Variants in REV1 observed in about 807,000 individuals in gnomAD.
REV1 encodes the protein REV1 DNA directed polymerase.
REV1 carries 42 observed loss-of-function variants against 137.4 expected under a neutral mutation model. The ratio of observed to expected loss-of-function variants is 0.31; its 90% CI spans 0.24 to 0.40. REV1 has a LOEUF of 0.40. Among genes scored for constraint, REV1 ranks in the 10% least tolerant of loss-of-function variants. REV1 has a pLI of 1.00. For missense variants in REV1, 1,282 were observed against 1,490.1 expected, an observed-to-expected ratio of 0.86 and a Z score of 2.30; for synonymous variants, 524 against 519.2, an observed-to-expected ratio of 1.01 and a Z score of -0.12.
rs370092323 is a variant in REV1, at chr2:99,401,206, C to T, written c.*35G>A. Reference sequence around the variant, plus strand: ...AAATACCTCACAAGCACTTATGGCACAGCTATCAGAGAGCATCAGGCTCTC... The same window carrying T: ...AAATACCTCACAAGCACTTATGGCATAGCTATCAGAGAGCATCAGGCTCTC... On this transcript the variant is annotated 3_prime_UTR_variant, in exon 23 of 23. Transcript: ENST00000258428. The T allele has an allele frequency of 2.4e-5, 31 of 1,298,140 alleles. No homozygotes were observed. The highest frequency in any genetic ancestry group is 3.2e-5 in the Non-Finnish European group (29 of 893,892). 80.4% of individuals were successfully genotyped at this position (1,298,140 alleles called of 1,614,324 possible).
chr2:99,420,207 T>C (rs985012115), intron 11 of REV1, among the ~76,000 whole-genome samples: 2 of 152,254 alleles, frequency 1.3e-5, no homozygotes, highest in African/African-American at 4.8e-5. Context: ...ATGCTGGGAA[T>C]GTATTAATCA....
intron 1 of REV1, among the ~76,000 whole-genome samples, chr2:99,473,131 T>A (rs1685595186): frequency 6.6e-6 from 1 of 151,940 alleles, no homozygotes; most frequent in Non-Finnish European, 1.5e-5. Context: ...TTTGGGAGGC[T>A]GAGGTGGGCA....
chr2:99,408,679 C>CA (rs1676680783), intron 14 of REV1, among the ~76,000 whole-genome samples: 1 of 152,198 alleles, frequency 6.6e-6, no homozygotes, highest in African/African-American at 2.4e-5. Context: ...GGTCCATCAG[C>CA]ATTATTAGGT....
chr2:99,403,880 T>C, intron 18 of REV1, 65 bp from the exon 19 acceptor site: 2 of 1,573,518 alleles, frequency 1.3e-6, no homozygotes, highest in Non-Finnish European at 1.7e-6. Context: ...GGTTTCTCTT[T>C]TTCACAAAAC....
chr2:99,401,957 A>C (rs1675514152), intron 22 of REV1, among the ~76,000 whole-genome samples: 1 of 152,090 alleles, frequency 6.6e-6, no homozygotes, highest in Admixed American at 6.5e-5. Context: ...CATTTTGGCC[A>C]GGCTGGTCTC....
At chr2:99,474,851 G>A (rs7564587) in intron 1 of REV1, among the ~76,000 whole-genome samples, 65,409 of 151,658 alleles carry the variant, frequency 0.43, 14,339 homozygotes, top group Admixed American at 0.58. Context: ...GCAATGAGCC[G>A]AGATTGTGCC....
chr2:99,407,080 C>CTTTTTTTTTTTTTTTTTTTTTTTTTT (rs869170472), intron 15 of REV1, among the ~76,000 whole-genome samples: 2 of 60,046 alleles, frequency 3.3e-5, no homozygotes, highest in Non-Finnish European at 5.9e-5. Context: ...TACAAAGGTT[C>CTTTTTTTTTTTTTTTTTTTTTTTTTT]TTTTTTTTTT....
In REV1 at chr2:99,443,640, T is replaced by TA. The variant is rs1416142745; in HGVS notation, c.351-1172dup. Among the ~76,000 whole-genome samples the TA allele has an allele frequency of 1.1e-4, 16 of 152,336 alleles. 1 individual carries two copies. The South Asian group carries it at 3.3e-3, about 32-fold the overall frequency. On this transcript the variant is annotated intron_variant, in intron 4 of 22. Coordinates refer to ENST00000258428, the MANE Select transcript of REV1 (RefSeq NM_016316.4). Reference sequence around the variant, plus strand: ...GTACCTTAACCTATATCAAATGCTATAACTATTAAATTATGATGGTAAAGA... The same window carrying TA: ...GTACCTTAACCTATATCAAATGCTATAAACTATTAAATTATGATGGTAAAGA...
chr2:99,435,606 G>T, intron 7 of REV1: 1 of 326,762 alleles, frequency 3.1e-6, no homozygotes, highest in South Asian at 7.5e-5. Context: ...AGTCTTCGAT[G>T]ACATATCCTT....
intron 4 of REV1, among the ~76,000 whole-genome samples, chr2:99,444,647 C>G (rs774222253): frequency 2.6e-5 from 4 of 152,224 alleles, no homozygotes; most frequent in Non-Finnish European, 5.9e-5. Flanking sequence ...AAGCCCAATG[C>G]ACTACAGTAA....
At chr2:99,453,484 C>T (rs1360529838) in intron 3 of REV1, among the ~76,000 whole-genome samples, 2 of 152,144 alleles carry the variant, frequency 1.3e-5, no homozygotes, top group Non-Finnish European at 2.9e-5. Flanking sequence ...TCACACAAAA[C>T]ATTAAATTTT....
At position 99,407,080 on chromosome 2, in the gene REV1, C is replaced by CTTTTTTTTTTTTTTTTTTTTT. The variant is rs869170472; in HGVS notation, c.2449-611_2449-591dup. On this transcript the variant is annotated intron_variant, in intron 15 of 22. Coordinates refer to ENST00000258428, the MANE Select transcript of REV1 (RefSeq NM_016316.4). ...ACATAAAACTAAACCTACAAAGGTT[C>CTTTTTTTTTTTTTTTTTTTTT]TTTTTTTTTTTTTTTTTTTTTTTTT... Among the ~76,000 whole-genome samples, 21 of 60,046 alleles carry CTTTTTTTTTTTTTTTTTTTTT rather than the reference C, an allele frequency of 3.5e-4. 5 individuals carry two copies. Among genetic ancestry groups the CTTTTTTTTTTTTTTTTTTTTT allele is most frequent in the Non-Finnish European group, 4.7e-4 (16 of 34,158 alleles). The allele number at this position is 60,046 out of a possible 152,430, so 39.4% of individuals were successfully genotyped here.
chr2:99,426,922 T>C (rs993363794), intron 9 of REV1, among the ~76,000 whole-genome samples: 1 of 152,130 alleles, frequency 6.6e-6, no homozygotes, highest in African/African-American at 2.4e-5. Context: ...GGTGGCTCAC[T>C]CCTGTAATCC....
Position 99,424,171 on chromosome 2 carries a change from ATGTT to A in REV1, c.1653_1656del (p.Gln551HisfsTer23). 6.2e-7 allele frequency: 1 copy of A among 1,614,006 alleles called. No individual in the cohort carries two copies. ...CTGTACCTTGCCAATGTTTCATACA[ATGTT>A]TGTGCGACTTCCTTATATGCATGAA... On this transcript the variant is annotated frameshift_variant, in exon 10 of 23. Transcript: ENST00000258428. LOFTEE classifies it high-confidence loss of function.
chr2:99,426,752 A>G (rs1679429564), intron 9 of REV1, among the ~76,000 whole-genome samples: 1 of 152,214 alleles, frequency 6.6e-6, no homozygotes, highest in African/African-American at 2.4e-5. Context: ...AAAATCCCAT[A>G]CAGGATAAAT....
rs774589573 is a variant in REV1, at chr2:99,438,704, C to T, written c.1110G>A (p.Glu370=). The T allele has an allele frequency of 7.4e-6, 12 of 1,613,630 alleles. No individual in the cohort carries two copies. The highest frequency in any genetic ancestry group is 6.8e-6 in the Non-Finnish European group (8 of 1,179,652). ...TTTGTCTTTGTAGGGTATTGACAAA[C>T]TCAGTCAATTCACACTTCCACATTG... ...HISMWKCELT[E]FVNTLQRQSN... is the part of the protein sequence containing the mutation. Residue 370 remains glutamate (E), a synonymous_variant, in exon 6 of 23, where the codon GAG becomes GAA. Transcript: ENST00000258428.
In REV1 at chr2:99,402,681, C is replaced by T. The variant is rs755970680; in HGVS notation, c.3504G>A (p.Val1168=). The T allele has an allele frequency of 6.2e-7, 1 of 1,614,080 alleles. No homozygotes were observed. The highest frequency in any genetic ancestry group is 8.5e-7 in the Non-Finnish European group (1 of 1,180,034). ...NLAGAVEFND[V]KTLLREWITT... is the part of the protein sequence containing the mutation. ...TTATCCATTCTCTGAGCAAGGTCTT[C>T]ACATCATTGAATTCAACAGCTCCAG... The change falls in exon 21 of 23, where the codon GTG becomes GTA. Residue 1168 remains valine, a synonymous_variant. Transcript: ENST00000258428.
At chr2:99,457,219 A>G (rs959109597) in intron 3 of REV1, among the ~76,000 whole-genome samples, 3 of 152,236 alleles carry the variant, frequency 2.0e-5, no homozygotes, top group African/African-American at 4.8e-5. Context: ...AGCAGCATCC[A>G]AAATATATCT....
At chr2:99,449,566 A>T in intron 3 of REV1, 62 bp from the exon 4 acceptor site, 1 of 801,202 alleles carries the variant, frequency 1.2e-6, no homozygotes, top group Non-Finnish European at 1.8e-6. Context: ...ACCCTAATGA[A>T]TAACTCCTTA....
Sources: gnomAD v4.1 joint callset for allele counts (sites outside exome capture counted in the v4.1 genomes callset) on GRCh38, gnomAD v4.1.1 for gene constraint, MANE v1.5 for transcripts, NCBI Gene and HGNC (gene_info 2026-07-23, HGNC 2026-07-21) for gene names.